RSPRY1: variants seen among roughly 807,000 people sequenced by gnomAD.
RSPRY1 encodes RING finger and SPRY domain-containing protein 1.
RSPRY1 carries 23 observed loss-of-function variants against 73.1 expected under a neutral mutation model. The ratio of observed to expected loss-of-function variants is 0.31; its 90% CI spans 0.23 to 0.45. The LOEUF is 0.45. Among genes scored for constraint, RSPRY1 ranks in the 20% least tolerant of loss-of-function variants. RSPRY1 has a pLI of 1.00. For missense variants in RSPRY1, 448 were observed against 698.7 expected, an observed-to-expected ratio of 0.64 and a Z score of 4.05; for synonymous variants, 226 against 251.4, an observed-to-expected ratio of 0.90 and a Z score of 0.95.
chr16:57,205,244 C>G (rs556054590), intron 2 of RSPRY1: 1 of 499,976 alleles, frequency 2.0e-6, no homozygotes, highest in African/African-American at 1.9e-5. Context: ...GCAGAAAACA[C>G]GATAAAGCTA....
chr16:57,193,949 C>G (rs1419274429), intron 1 of RSPRY1, among the ~76,000 whole-genome samples: 2 of 151,950 alleles, frequency 1.3e-5, no homozygotes, highest in Non-Finnish European at 2.9e-5. Flanking sequence ...GCCAATAATC[C>G]CAGCTACTCA....
intron 4 of RSPRY1, among the ~76,000 whole-genome samples, chr16:57,210,845 T>C (rs2074828788): frequency 6.6e-6 from 1 of 151,642 alleles, no homozygotes; most frequent in Non-Finnish European, 1.5e-5. Flanking sequence ...GGTGAAACCC[T>C]GTTTCTACAA....
At chr16:57,230,409 C>T (rs1239399847) in intron 11 of RSPRY1, among the ~76,000 whole-genome samples, 1 of 152,170 alleles carries the variant, frequency 6.6e-6, no homozygotes, top group African/African-American at 2.4e-5. Context: ...ATTTTTTGAT[C>T]TTACCATATT....
chr16:57,187,525 C>T (rs77353290), intron 1 of RSPRY1, among the ~76,000 whole-genome samples: 5,506 of 152,154 alleles, frequency 0.036, 293 homozygotes, highest in East Asian at 0.23. Context: ...ACTTAACCTC[C>T]TTAAGTCTCT....
chr16:57,212,619 C>T (rs970559739), intron 4 of RSPRY1, among the ~76,000 whole-genome samples: 2 of 151,826 alleles, frequency 1.3e-5, no homozygotes, highest in South Asian at 4.2e-4. Flanking sequence ...GGTTATAGCT[C>T]CCCCCACCCC....
Position 57,210,322 on chromosome 16 carries a change from C to T in RSPRY1, c.516+1135C>T, listed in dbSNP as rs2074815947. 2.6e-5 allele frequency among the ~76,000 whole-genome samples: 4 copies of T among 152,114 alleles called. No homozygotes were observed. The South Asian group carries it at 6.2e-4, about 24-fold the overall frequency. On this transcript the variant is annotated intron_variant, in intron 4 of 14. Coordinates refer to ENST00000394420, the MANE Select transcript of RSPRY1 (RefSeq NM_133368.3). ...TTTGAACTCCTGGGCTCAAGGGATCCTCCCACCTTGGCTTCTCAAAGTGTT... is the reference window on the plus strand; with the variant it reads ...TTTGAACTCCTGGGCTCAAGGGATCTTCCCACCTTGGCTTCTCAAAGTGTT...
chr16:57,215,932 T>C (rs895242321), intron 6 of RSPRY1, among the ~76,000 whole-genome samples, 175 bp from the exon 7 acceptor site: 4 of 152,230 alleles, frequency 2.6e-5, no homozygotes, highest in Admixed American at 2.6e-4. Context: ...GCCTGTCCAG[T>C]TCATTACTAA....
chr16:57,229,740 C>G (rs1298786158), intron 11 of RSPRY1, among the ~76,000 whole-genome samples: 3 of 100,766 alleles, frequency 3.0e-5, no homozygotes, highest in Non-Finnish European at 5.3e-5. Context: ...CAGTCTCACT[C>G]TGTCACCCAG....
chr16:57,190,290 G>T lies in RSPRY1; in HGVS notation c.-156+3839G>T, dbSNP rs567457240. Among the ~76,000 whole-genome samples, 21 of 152,234 alleles carry T rather than the reference G, an allele frequency of 1.4e-4. No individual in the cohort carries two copies. In the South Asian group the frequency reaches 4.1e-3, roughly 30 times the overall value. On this transcript the variant is annotated intron_variant, in intron 1 of 14. Coordinates refer to ENST00000394420, the MANE Select transcript of RSPRY1 (RefSeq NM_133368.3). ...AGGCTGAGGTGGTAGAATCTCTTGAGCCTGGGAGGTTGAAGATGCAGTGAG... is the reference window on the plus strand; with the variant it reads ...AGGCTGAGGTGGTAGAATCTCTTGATCCTGGGAGGTTGAAGATGCAGTGAG...
chr16:57,226,237 A>G (rs895711386), intron 10 of RSPRY1, among the ~76,000 whole-genome samples: 6 of 152,240 alleles, frequency 3.9e-5, no homozygotes, highest in African/African-American at 1.4e-4. Flanking sequence ...TACATGCAAG[A>G]AAGGTATTTG....
rs370494653 is a variant in RSPRY1, at chr16:57,201,381, C to A, written c.-155-3123C>A. On this transcript the variant is annotated intron_variant, in intron 1 of 14. Transcript: ENST00000394420. ...GACGGGGCGGCAGGGCAGAGGCACT[C>A]CCCACATCTCAGACGATGGGCGGCC... 3.4e-4 allele frequency among the ~76,000 whole-genome samples: 51 copies of A among 151,550 alleles called. 1 individual carries two copies. The highest frequency in any genetic ancestry group is 3.1e-3 in the East Asian group (16 of 5,114).
chr16:57,196,675 A>T (rs4784780), intron 1 of RSPRY1, among the ~76,000 whole-genome samples: 145,542 of 152,326 alleles, frequency 0.96, 69,563 homozygotes, highest in Middle Eastern at 0.99. Flanking sequence ...AGGTTATAGA[A>T]AAGTAAAAAT....
In RSPRY1 at chr16:57,204,834, A is replaced by G. The variant is rs377663780; in HGVS notation, c.176A>G (p.Gln59Arg). ...GGAACAGATGACAGTGTTGACACCC[A>G]ACAGCAACAGGCCGAGAACAGTGCA... is the stretch of plus-strand genomic sequence containing the variant. ...DSGTDDSVDT[Q>R]QQQAENSAVP... Residue 59 changes from glutamine to arginine, a missense_variant, in exon 2 of 15, where the codon CAA (glutamine) becomes CGA (arginine). Transcript: ENST00000394420. The G allele has an allele frequency of 3.7e-6, 6 of 1,614,074 alleles. No individual in the cohort carries two copies. The African/African-American group carries it at 8.0e-5, about 22-fold the overall frequency.
At chr16:57,201,016 C>G (rs1484670948) in intron 1 of RSPRY1, among the ~76,000 whole-genome samples, 7 of 149,924 alleles carry the variant, frequency 4.7e-5, no homozygotes, top group African/African-American at 1.7e-4. Context: ...GGGGCTGACC[C>G]CCCCACCTCC....
At chr16:57,201,084 G>A (rs1370382340) in intron 1 of RSPRY1, among the ~76,000 whole-genome samples, 2 of 151,908 alleles carry the variant, frequency 1.3e-5, no homozygotes, top group South Asian at 2.1e-4. Context: ...TCCCAGACGG[G>A]GTGGCTGCCG....
At chr16:57,235,081 C>G in intron 13 of RSPRY1, 43 bp from the exon 14 acceptor site, 1 of 1,373,190 alleles carries the variant, frequency 7.3e-7, no homozygotes, top group Non-Finnish European at 1.0e-6. Flanking sequence ...GCTAACAGGA[C>G]CCCTGTTGAC....
chr16:57,210,429 G>A (rs182960008), intron 4 of RSPRY1, among the ~76,000 whole-genome samples: 53 of 152,212 alleles, frequency 3.5e-4, no homozygotes, highest in African/African-American at 1.2e-3. Flanking sequence ...AAGGCTGGGC[G>A]CGGTGGTTCA....
At chr16:57,228,726 A>G (rs563132721) in intron 11 of RSPRY1, among the ~76,000 whole-genome samples, 2 of 152,226 alleles carry the variant, frequency 1.3e-5, no homozygotes, top group South Asian at 4.1e-4. Context: ...GGTCTCATCT[A>G]TCGATAGCCC....
At chr16:57,200,066 T>G (rs1170237142) in intron 1 of RSPRY1, among the ~76,000 whole-genome samples, 1 of 148,090 alleles carries the variant, frequency 6.8e-6, no homozygotes, top group Non-Finnish European at 1.5e-5. Context: ...TCCACAGTGT[T>G]TGTGTCCCTG....
Sources: gnomAD v4.1 joint callset for allele counts (sites outside exome capture counted in the v4.1 genomes callset) on GRCh38, gnomAD v4.1.1 for gene constraint, MANE v1.5 for transcripts, NCBI Gene and HGNC (gene_info 2026-07-23, HGNC 2026-07-21) for gene names.